The following SERPINE2 variants were observed in gnomAD, a reference collection of about 807,000 sequenced individuals.
SERPINE2 encodes glia-derived nexin.
In SERPINE2, 14 loss-of-function variants were observed where a neutral mutation model predicts 36.3. The ratio of observed to expected loss-of-function variants is 0.39; its 90% CI spans 0.25 to 0.60. The LOEUF (loss-of-function observed/expected upper bound fraction) is 0.60, where lower values mean the gene tolerates loss of function less well. Ranked by LOEUF, SERPINE2 falls within the 20% of genes least tolerant of loss-of-function variation. The pLI is 0.57. For missense variants in SERPINE2, 418 were observed against 499.6 expected (o/e 0.84, Z 1.56); for synonymous variants, 192 against 191.8 (o/e 1.00, Z -0.01).
intron 6 of SERPINE2, 68 bp from the exon 7 acceptor site, chr2:223,980,465 T>A: frequency 2.2e-6 from 3 of 1,378,612 alleles, no homozygotes; most frequent in African/African-American, 1.4e-5. Context: ...GTTGGGGAAG[T>A]AACCTCAAAG....
chr2:224,024,266 A>T (rs2106194785), intron 1 of SERPINE2, among the ~76,000 whole-genome samples: 1 of 152,318 alleles, frequency 6.6e-6, no homozygotes, highest in South Asian at 2.1e-4. Flanking sequence ...AAAATCTCAA[A>T]AAAATTTTGT....
intron 1 of SERPINE2, among the ~76,000 whole-genome samples, chr2:224,028,610 G>A (rs773102120): frequency 1.2e-4 from 19 of 152,174 alleles, no homozygotes; most frequent in Non-Finnish European, 2.5e-4. Context: ...TCGGAGCCGG[G>A]TGTTCTACAC....
chr2:223,996,970 G>A (rs565054495), intron 3 of SERPINE2, among the ~76,000 whole-genome samples: 2 of 152,280 alleles, frequency 1.3e-5, no homozygotes, highest in Non-Finnish European at 2.9e-5. Flanking sequence ...CCAGCTACCG[G>A]AAAGGCTGAG....
chr2:223,987,819 A>C lies in SERPINE2; in HGVS notation c.686-2869T>G, dbSNP rs190197427. 2.7e-3 allele frequency among the ~76,000 whole-genome samples: 414 copies of C among 152,298 alleles called. 3 individuals carry two copies. Among genetic ancestry groups the C allele is most frequent in the African/African-American group, 9.6e-3 (400 of 41,560 alleles). On this transcript the variant is annotated intron_variant, in intron 4 of 8. Coordinates refer to ENST00000409304, the MANE Select transcript of SERPINE2 (RefSeq NM_001136528.2). Reference sequence around the variant, plus strand: ...GGGAAGACGTAACTAGGCTCACTGAAATGTTAAGAGCTCACACTGTAAAAT... The same window carrying C: ...GGGAAGACGTAACTAGGCTCACTGACATGTTAAGAGCTCACACTGTAAAAT...
intron 4 of SERPINE2, among the ~76,000 whole-genome samples, chr2:223,987,446 T>C (rs1418823526): frequency 6.6e-6 from 1 of 152,138 alleles, no homozygotes; most frequent in African/African-American, 2.4e-5. Context: ...GAGCCTCTCA[T>C]CGTCCCAGAG....
At chr2:223,997,440 G>A (rs1467459537) in intron 3 of SERPINE2, among the ~76,000 whole-genome samples, 12 of 152,124 alleles carry the variant, frequency 7.9e-5, no homozygotes, top group South Asian at 6.2e-4. Flanking sequence ...GGCTGGTCTC[G>A]AACTCCTGAC....
At chr2:224,002,875 C>G (rs1691240826) in intron 1 of SERPINE2, among the ~76,000 whole-genome samples, 1 of 152,038 alleles carries the variant, frequency 6.6e-6, no homozygotes, top group Admixed American at 6.6e-5. Flanking sequence ...GGACCCTTTT[C>G]TAAGTGTTAG....
At chr2:224,024,167 A>G (rs80148508) in intron 1 of SERPINE2, among the ~76,000 whole-genome samples, 1 of 152,228 alleles carries the variant, frequency 6.6e-6, no homozygotes, top group East Asian at 1.9e-4. Context: ...ATGAGAAGAC[A>G]ACTTCCACTT....
chr2:224,030,265 A>C (rs950367033), intron 1 of SERPINE2: 5 of 979,206 alleles, frequency 5.1e-6, no homozygotes, highest in Non-Finnish European at 4.9e-6. Flanking sequence ...CTGAGAGTGC[A>C]GCAGGAAAGG....
chr2:224,026,849 T>C (rs1574849511), intron 1 of SERPINE2, among the ~76,000 whole-genome samples: 1 of 152,336 alleles, frequency 6.6e-6, no homozygotes, highest in East Asian at 1.9e-4. Flanking sequence ...ATGAAAACTT[T>C]TGTCTTCCTT....
At chr2:224,030,664 AG>A (rs1692332786) in intron 1 of SERPINE2, 1 of 152,474 alleles carries the variant, frequency 6.6e-6, no homozygotes, top group African/African-American at 2.4e-5. Context: ...TATACAGTGG[AG>A]GAAAAGGAGG....
intron 4 of SERPINE2, among the ~76,000 whole-genome samples, chr2:223,986,131 G>A (rs1395438050): frequency 6.6e-6 from 1 of 152,198 alleles, no homozygotes; most frequent in Non-Finnish European, 1.5e-5. Context: ...GAGATGAAGA[G>A]AAAGATACCA....
rs11692680 is a variant in SERPINE2, at chr2:224,009,916, T to C, written c.-22-7994A>G. On this transcript the variant is annotated intron_variant, in intron 1 of 8. Coordinates refer to ENST00000409304, the MANE Select transcript of SERPINE2 (RefSeq NM_001136528.2). ...GGCTGTCTCTGTAAGATGACAGTAATTGTTAATGTACAAGTAATCGGGGTT... is the reference window on the plus strand; with the variant it reads ...GGCTGTCTCTGTAAGATGACAGTAACTGTTAATGTACAAGTAATCGGGGTT... 4.5e-3 allele frequency among the ~76,000 whole-genome samples: 691 copies of C among 152,306 alleles called. 5 individuals carry two copies. The highest frequency in any genetic ancestry group is 0.012 in the African/African-American group (513 of 41,560).
intron 1 of SERPINE2, among the ~76,000 whole-genome samples, chr2:224,016,483 G>C (rs1046292025): frequency 1.4e-5 from 2 of 147,730 alleles, no homozygotes; most frequent in African/African-American, 5.0e-5. Flanking sequence ...TCCAGCCTGG[G>C]CGACAAGAGC....
chr2:223,986,711 G>A (rs1004483526), intron 4 of SERPINE2, among the ~76,000 whole-genome samples: 1 of 152,176 alleles, frequency 6.6e-6, no homozygotes, highest in African/African-American at 2.4e-5. Flanking sequence ...GAAAAGTTAT[G>A]AGCTGGAATG....
chr2:223,975,882 C>T lies in SERPINE2; in HGVS notation c.1179G>A (p.Gln393=). The part of the protein sequence containing the change: ...NPTGAVLFMG[Q]INKP Reference sequence around the variant, plus strand: ...TGTATACTCTTCAGGGTTTGTTTATCTGCCCCATGAATAACACAGCACCTA... The same window carrying T: ...TGTATACTCTTCAGGGTTTGTTTATTTGCCCCATGAATAACACAGCACCTA... The change falls in exon 9 of 9, where the codon CAG becomes CAA. Residue 393 remains glutamine (Q), a synonymous_variant. Coordinates refer to ENST00000409304, the MANE Select transcript of SERPINE2 (RefSeq NM_001136528.2). 2.5e-6 allele frequency: 4 copies of T among 1,596,800 alleles called. No homozygotes were observed. The highest frequency in any genetic ancestry group is 3.4e-6 in the Non-Finnish European group (4 of 1,168,704).
At position 223,980,407 on chromosome 2, in the gene SERPINE2, G is replaced by A. The variant is rs1279566315; in HGVS notation, c.986-10C>T. 20 of 1,612,282 alleles carry A rather than the reference G, an allele frequency of 1.2e-5. No individual in the cohort carries two copies. The highest frequency in any genetic ancestry group is 1.7e-5 in the Non-Finnish European group (20 of 1,178,476). On this transcript the variant is annotated splice_polypyrimidine_tract_variant and intron_variant, in intron 6 of 8. Transcript: ENST00000409304. Reference sequence around the variant, plus strand: ...TGGAGGTTTTCTGACCCTGCTTCCAGAAAATAAAACAGTATCAGCATTTGT... The same window carrying A: ...TGGAGGTTTTCTGACCCTGCTTCCAAAAAATAAAACAGTATCAGCATTTGT...
intron 4 of SERPINE2, among the ~76,000 whole-genome samples, chr2:223,985,912 G>A (rs1690409600): frequency 6.6e-6 from 1 of 152,222 alleles, no homozygotes; most frequent in African/African-American, 2.4e-5. Flanking sequence ...GTTATTTGGA[G>A]AACAGTCTAC....
chr2:223,980,300 C>G lies in SERPINE2; in HGVS notation c.1072+11G>C. The G allele has an allele frequency of 6.2e-7, 1 of 1,610,982 alleles. No homozygotes were observed. On this transcript the variant is annotated intron_variant, in intron 7 of 8. Transcript: ENST00000409304. ...GCTAGAGGAAGCCCTGCCACGTGACCCAGTGCTTACTTGTTGCTGCTGAAG... is the reference window on the plus strand; with the variant it reads ...GCTAGAGGAAGCCCTGCCACGTGACGCAGTGCTTACTTGTTGCTGCTGAAG...
Sources: gnomAD v4.1 joint callset for allele counts (sites outside exome capture counted in the v4.1 genomes callset) on GRCh38, gnomAD v4.1.1 for gene constraint, MANE v1.5 for transcripts, NCBI Gene and HGNC (gene_info 2026-07-23, HGNC 2026-07-21) for gene names.